LGR4: variants seen among roughly 807,000 people sequenced by gnomAD.
LGR4 encodes the protein leucine-rich repeat-containing G protein-coupled receptor 4.
Under a neutral mutation model 84.8 loss-of-function variants are expected in LGR4, and 44 were observed. The observed-to-expected ratio is 0.52, with a 90% CI of 0.41 to 0.67. LGR4 has a LOEUF of 0.67. Ranked by LOEUF, LGR4 falls within the 30% of genes least tolerant of loss-of-function variation. LGR4 has a pLI of 0.00. For missense variants in LGR4, 1,032 were observed against 1,131.4 expected, an observed-to-expected ratio of 0.91 and a Z score of 1.26; for synonymous variants, 429 against 434.3, an observed-to-expected ratio of 0.99 and a Z score of 0.15.
intron 2 of LGR4, among the ~76,000 whole-genome samples, chr11:27,408,862 C>A (rs1032201693): frequency 6.6e-6 from 1 of 152,074 alleles, no homozygotes; most frequent in Non-Finnish European, 1.5e-5. Context: ...CCCATATTTC[C>A]TTTACGGTAG....
intron 4 of LGR4, among the ~76,000 whole-genome samples, chr11:27,388,079 C>T (rs1871250): frequency 0.24 from 36,068 of 151,990 alleles, 5,507 homozygotes; most frequent in East Asian, 0.46. Context: ...CAATTTCCTC[C>T]GTACTAAAAA....
chr11:27,397,526 A>T (rs1429958695), intron 2 of LGR4, among the ~76,000 whole-genome samples: 2 of 152,190 alleles, frequency 1.3e-5, no homozygotes, highest in Admixed American at 1.3e-4. Context: ...TGCAAAGCTA[A>T]TATTACTACT....
intron 1 of LGR4, among the ~76,000 whole-genome samples, chr11:27,448,535 G>A (rs1432108668): frequency 1.3e-4 from 19 of 151,954 alleles, no homozygotes; most frequent in African/African-American, 4.3e-4. Context: ...CAGGTGATCC[G>A]CTCGCCTCAG....
In LGR4 at chr11:27,426,343, T is replaced by G. The variant is rs115153215; in HGVS notation, c.186-13483A>C. Among the ~76,000 whole-genome samples the G allele has an allele frequency of 2.0e-5, 3 of 152,188 alleles. No homozygotes were observed. The East Asian group carries it at 5.8e-4, about 29-fold the overall frequency. On this transcript the variant is annotated intron_variant, in intron 1 of 17. Coordinates refer to ENST00000379214, the MANE Select transcript of LGR4 (RefSeq NM_018490.5). ...GTAAGGTTTTCATTTAAATACAAGT[T>G]ACTGCATTAAAAATAGCTTGGGAGG... is the stretch of plus-strand genomic sequence containing the variant.
At chr11:27,471,910 C>G (rs1864879989) in intron 1 of LGR4, 6 of 354,970 alleles carry the variant, frequency 1.7e-5, no homozygotes, top group Non-Finnish European at 2.5e-5. Flanking sequence ...ACTGCTGGCT[C>G]GAACCCGGAC....
chr11:27,453,596 C>A lies in LGR4; in HGVS notation c.185+18522G>T, dbSNP rs578158390. ...CTGTCTACCACTAATCCCCCACCCC[C>A]CTGCCAGGTAAGTTATAGGAATGCA... On this transcript the variant is annotated intron_variant, in intron 1 of 17. Coordinates refer to ENST00000379214, the MANE Select transcript of LGR4 (RefSeq NM_018490.5). Among the ~76,000 whole-genome samples, 32 of 152,218 alleles carry A rather than the reference C, an allele frequency of 2.1e-4. 1 individual carries two copies. The South Asian group carries it at 6.2e-3, about 30-fold the overall frequency.
At chr11:27,374,765 A>G (rs1280577319) in intron 13 of LGR4, among the ~76,000 whole-genome samples, 1 of 152,300 alleles carries the variant, frequency 6.6e-6, no homozygotes, top group South Asian at 2.1e-4. Flanking sequence ...AGTGTCACTT[A>G]TCAGTTTCTA....
intron 4 of LGR4, among the ~76,000 whole-genome samples, chr11:27,390,355 T>G (rs1863261021): frequency 6.6e-6 from 1 of 152,178 alleles, no homozygotes; most frequent in South Asian, 2.1e-4. Flanking sequence ...ATAAGGGTGA[T>G]AACTATTAAC....
rs186649301 is a variant in LGR4, at chr11:27,391,636, C to G, written c.330-471G>C. Among the ~76,000 whole-genome samples, 4 of 152,164 alleles carry G rather than the reference C, an allele frequency of 2.6e-5. No homozygotes were observed. In the East Asian group the frequency reaches 7.7e-4, roughly 29 times the overall value. On this transcript the variant is annotated intron_variant, in intron 3 of 17. Coordinates refer to ENST00000379214, the MANE Select transcript of LGR4 (RefSeq NM_018490.5). ...AATTTTTTCAAGCGGATGGCAGATC[C>G]CAAGCTCTTAAGGAACAGCAGGCAT... is the stretch of plus-strand genomic sequence containing the variant.
chr11:27,456,343 G>C (rs537304024), intron 1 of LGR4, among the ~76,000 whole-genome samples: 1 of 152,204 alleles, frequency 6.6e-6, no homozygotes, highest in South Asian at 2.1e-4. Flanking sequence ...GTCAACTAAA[G>C]AGTACCAACT....
intron 12 of LGR4, among the ~76,000 whole-genome samples, chr11:27,376,730 T>A (rs1332280140): frequency 6.6e-6 from 1 of 152,048 alleles, no homozygotes; most frequent in Non-Finnish European, 1.5e-5. Context: ...ACAACACAAC[T>A]ATGACAAATA....
intron 1 of LGR4, among the ~76,000 whole-genome samples, chr11:27,441,308 A>G (rs1391496527): frequency 6.6e-6 from 1 of 151,530 alleles, no homozygotes; most frequent in Non-Finnish European, 1.5e-5. Flanking sequence ...CCATTAAACC[A>G]TTACATCTAA....
At chr11:27,406,081 C>T (rs1863602821) in intron 2 of LGR4, among the ~76,000 whole-genome samples, 1 of 152,130 alleles carries the variant, frequency 6.6e-6, no homozygotes, top group Non-Finnish European at 1.5e-5. Flanking sequence ...TACCACCTAT[C>T]CCAGTCTGTG....
intron 2 of LGR4, among the ~76,000 whole-genome samples, chr11:27,405,954 A>G (rs1863600171): frequency 6.6e-6 from 1 of 152,186 alleles, no homozygotes; most frequent in Admixed American, 6.5e-5. Flanking sequence ...AGAGTCACTC[A>G]AGAGTTTAAA....
At chr11:27,456,548 T>A (rs1864580267) in intron 1 of LGR4, among the ~76,000 whole-genome samples, 1 of 152,174 alleles carries the variant, frequency 6.6e-6, no homozygotes, top group African/African-American at 2.4e-5. Flanking sequence ...AAAGTTTTGG[T>A]TTAAAGGAGC....
At chr11:27,382,064 G>A in intron 7 of LGR4, 124 bp downstream of exon 7, 1 of 653,684 alleles carries the variant, frequency 1.5e-6, no homozygotes, top group South Asian at 2.0e-5. Context: ...GATTATTTGT[G>A]TGTTTGTGTG....
intron 2 of LGR4, among the ~76,000 whole-genome samples, chr11:27,409,054 T>C (rs991639010): frequency 1.6e-4 from 25 of 151,970 alleles, no homozygotes; most frequent in Admixed American, 1.3e-3. Context: ...GTAGGTTAAA[T>C]ATACAGAAGA....
chr11:27,420,883 T>C lies in LGR4; in HGVS notation c.186-8023A>G, dbSNP rs1414559344. On this transcript the variant is annotated intron_variant, in intron 1 of 17. Coordinates refer to ENST00000379214, the MANE Select transcript of LGR4 (RefSeq NM_018490.5). ...TAAAACCATCAAGGAATTAGAGAAT[T>C]ACAAGCAGTATGGTCCAAAAAGATA... is the stretch of plus-strand genomic sequence containing the variant. 9.0e-4 allele frequency among the ~76,000 whole-genome samples: 137 copies of C among 152,074 alleles called. 3 individuals are homozygous for C. The highest frequency in any genetic ancestry group is 1.8e-4 in the Non-Finnish European group (12 of 68,014).
intron 1 of LGR4, 77 bp from the exon 2 acceptor site, chr11:27,412,937 C>T: frequency 1.1e-6 from 1 of 947,022 alleles, no homozygotes; most frequent in Non-Finnish European, 1.7e-6. Context: ...AGAAAACTAA[C>T]TAGGTGTTAC....
Sources: gnomAD v4.1 joint callset for allele counts (sites outside exome capture counted in the v4.1 genomes callset) on GRCh38, gnomAD v4.1.1 for gene constraint, MANE v1.5 for transcripts, NCBI Gene and HGNC (gene_info 2026-07-23, HGNC 2026-07-21) for gene names.